Variants in VPS13B observed in about 807,000 individuals in gnomAD.
VPS13B encodes the protein vacuolar protein sorting 13 homolog B, also known as intermembrane lipid transfer protein VPS13B.
Under a neutral mutation model 426.4 loss-of-function variants are expected in VPS13B, and 285 were observed. The observed-to-expected ratio is 0.67, with a 90% confidence interval of 0.61 to 0.74. VPS13B has a LOEUF of 0.74. VPS13B is among the 30% of genes least tolerant of loss of function. The pLI is 0.00. For synonymous variants in VPS13B, 1,676 were observed against 1,676.4 expected, an observed-to-expected ratio of 1.00 and a Z score of 0.01; for missense variants, 4,537 against 4,782.6, an observed-to-expected ratio of 0.95 and a Z score of 1.51.
chr8:99,840,632 G>A lies in VPS13B; in HGVS notation c.9942+4894G>A, dbSNP rs147605272. Reference sequence around the variant, plus strand: ...GCCCATGTTTCTTAAATAAGAAAATGCATCTAAAATCACTTTTAAACTATA... The same window carrying A: ...GCCCATGTTTCTTAAATAAGAAAATACATCTAAAATCACTTTTAAACTATA... On this transcript the variant is annotated intron_variant, in intron 54 of 61. Transcript: ENST00000357162. Among the ~76,000 whole-genome samples the A allele has an allele frequency of 6.1e-3, 929 of 152,264 alleles. 18 individuals are homozygous for A. The highest frequency in any genetic ancestry group is 6.9e-3 in the Non-Finnish European group (469 of 68,032).
intron 27 of VPS13B, among the ~76,000 whole-genome samples, chr8:99,505,726 T>C (rs1821463626): frequency 6.6e-6 from 1 of 152,180 alleles, no homozygotes. Context: ...CAGCATATAT[T>C]GTTGGAAAAA....
intron 55 of VPS13B, among the ~76,000 whole-genome samples, chr8:99,851,475 G>C (rs895293999): frequency 2.0e-5 from 3 of 152,206 alleles, no homozygotes; most frequent in African/African-American, 7.2e-5. Flanking sequence ...CTCAGTAAGA[G>C]GGGCTGGAAG....
chr8:99,584,287 C>G (rs989260489), intron 33 of VPS13B, among the ~76,000 whole-genome samples: 1 of 152,156 alleles, frequency 6.6e-6, no homozygotes, highest in South Asian at 2.1e-4. Context: ...TCCTGATAAA[C>G]AAGCTTGTGC....
At chr8:99,835,809 AT>A in intron 54 of VPS13B, 71 bp downstream of exon 54, 1 of 1,459,574 alleles carries the variant, frequency 6.9e-7, no homozygotes, top group Non-Finnish European at 9.5e-7. Flanking sequence ...TCAGTTGCCT[AT>A]TTTTAAACAT....
At chr8:99,621,269 A>G (rs1828336396) in intron 33 of VPS13B, among the ~76,000 whole-genome samples, 1 of 152,204 alleles carries the variant, frequency 6.6e-6, no homozygotes, top group South Asian at 2.1e-4. Context: ...TAATTGAGAA[A>G]GATTACTTGC....
intron 15 of VPS13B, among the ~76,000 whole-genome samples, chr8:99,158,457 C>T (rs1416035484): frequency 3.3e-5 from 5 of 152,044 alleles, no homozygotes; most frequent in Non-Finnish European, 5.9e-5. Flanking sequence ...CGCCTGAACC[C>T]GGGAGGCAGA....
intron 19 of VPS13B, among the ~76,000 whole-genome samples, chr8:99,335,755 C>T (rs1026656431): frequency 6.6e-6 from 1 of 152,050 alleles, no homozygotes; most frequent in Non-Finnish European, 1.5e-5. Flanking sequence ...GAGTGAACTC[C>T]CACTCACAAT....
intron 19 of VPS13B, among the ~76,000 whole-genome samples, chr8:99,291,632 T>G (rs1819739562): frequency 6.6e-6 from 1 of 152,074 alleles, no homozygotes; most frequent in Admixed American, 6.6e-5. Flanking sequence ...TATAATTGAT[T>G]GGGAGAGAAG....
In VPS13B at chr8:99,577,569, A is replaced by G. The variant is rs772461225; in HGVS notation, c.5156A>G (p.Gln1719Arg). 5 of 1,613,888 alleles carry G rather than the reference A, an allele frequency of 3.1e-6. No individual in the cohort carries two copies. In the Admixed American group the frequency reaches 8.3e-5, roughly 27 times the overall value. ...TTCTTCCTAAGTGTGGCTCAAGTTC[A>G]ACTCTTACATCAGTTAATAGTAGCA... ...LDFFLSVAQV[Q>R]LLHQLIVANM... Residue 1719 changes from glutamine (Q) to arginine (R), a missense_variant, in exon 33 of 62, where the codon CAA becomes CGA. Physicochemically the swap from Gln to Arg is conservative, Grantham distance 43. Transcript: ENST00000357162.
chr8:99,217,744 A>G (rs528084090), intron 17 of VPS13B, among the ~76,000 whole-genome samples: 5 of 152,342 alleles, frequency 3.3e-5, no homozygotes, highest in Admixed American at 6.5e-5. Context: ...AGCTGTCACT[A>G]GAACAAAAAA....
intron 3 of VPS13B, among the ~76,000 whole-genome samples, chr8:99,053,006 A>T (rs1199698116): frequency 6.6e-6 from 1 of 151,368 alleles, no homozygotes; most frequent in African/African-American, 2.4e-5. Flanking sequence ...TGATTTTTTG[A>T]AGGGTTTTTT....
intron 30 of VPS13B, among the ~76,000 whole-genome samples, chr8:99,556,014 C>CA (rs1563793738): frequency 6.6e-6 from 1 of 151,962 alleles, no homozygotes; most frequent in Non-Finnish European, 1.5e-5. Context: ...GAGTAAAAAA[C>CA]AAAAAACAAA....
intron 30 of VPS13B, among the ~76,000 whole-genome samples, chr8:99,539,691 T>C (rs932315667): frequency 2.0e-5 from 3 of 152,042 alleles, no homozygotes; most frequent in African/African-American, 7.2e-5. Context: ...TGAGCTATGA[T>C]CATGCCACTG....
intron 25 of VPS13B, among the ~76,000 whole-genome samples, chr8:99,489,938 A>G (rs764031859): frequency 2.6e-5 from 4 of 152,108 alleles, no homozygotes; most frequent in Non-Finnish European, 5.9e-5. Flanking sequence ...TTCCAACACT[A>G]TATTGATTAG....
rs539234926 is a variant in VPS13B, at chr8:99,606,216, AAT to A, written c.5220+28586_5220+28587del. 1.2e-4 allele frequency among the ~76,000 whole-genome samples: 19 copies of A among 152,122 alleles called. No individual in the cohort carries two copies. In the East Asian group the frequency reaches 3.7e-3, roughly 29 times the overall value. On this transcript the variant is annotated intron_variant, in intron 33 of 61. Transcript: ENST00000357162. The stretch of plus-strand genomic sequence containing the variant: ...CAGCAGCCCGGGCTGAAACTTTTTT[AAT>A]ATTTTGGTAAATCTTCCTCAAACAG...
intron 15 of VPS13B, among the ~76,000 whole-genome samples, chr8:99,161,416 G>C (rs1811642409): frequency 6.6e-6 from 1 of 152,086 alleles, no homozygotes; most frequent in South Asian, 2.1e-4. Context: ...AAAACCATTG[G>C]TCATCAATAT....
chr8:99,816,380 G>A (rs1351173995), intron 44 of VPS13B, among the ~76,000 whole-genome samples: 1 of 152,136 alleles, frequency 6.6e-6, no homozygotes, highest in Non-Finnish European at 1.5e-5. Flanking sequence ...GGGATTACAG[G>A]CGTGAACCAC....
chr8:99,848,641 G>GTA, intron 54 of VPS13B, 135 bp from the exon 55 acceptor site: 1 of 854,738 alleles, frequency 1.2e-6, no homozygotes, highest in Middle Eastern at 3.1e-4. Context: ...TGAATAGCCC[G>GTA]TACACATGGA....
intron 25 of VPS13B, among the ~76,000 whole-genome samples, chr8:99,492,905 CA>C (rs1388090596): frequency 1.3e-5 from 2 of 152,200 alleles, no homozygotes; most frequent in African/African-American, 4.8e-5. Context: ...TGAGAAGAAT[CA>C]GGTACCTCAA....
Sources: gnomAD v4.1 joint callset for allele counts (sites outside exome capture counted in the v4.1 genomes callset) on GRCh38, gnomAD v4.1.1 for gene constraint, MANE v1.5 for transcripts, NCBI Gene and HGNC (gene_info 2026-07-23, HGNC 2026-07-21) for gene names.